The following GPC5 variants were observed in gnomAD, a reference collection of about 807,000 sequenced individuals.
GPC5 encodes glypican 5.
A neutral mutation model predicts 53.9 loss-of-function variants in GPC5; 47 were observed. The observed-to-expected ratio is 0.87, with a 90% CI of 0.69 to 1.11. The LOEUF is 1.11. Among genes scored for constraint, GPC5 ranks in the 50% most tolerant of loss-of-function variants. The probability of loss-of-function intolerance (pLI) is 0.00; values close to 1 mark genes in which losing one functional copy is unlikely to be tolerated. For missense variants in GPC5, 748 were observed against 713.1 expected (o/e 1.05, Z -0.56); for synonymous variants, 286 against 263.3 (o/e 1.09, Z -0.84).
intron 7 of GPC5, among the ~76,000 whole-genome samples, chr13:92,297,030 C>T (rs1319628124): frequency 6.6e-6 from 1 of 152,218 alleles, no homozygotes; most frequent in African/African-American, 2.4e-5. Context: ...CCATTGACCA[C>T]CCAAGGGCTG....
chr13:91,921,485 A>C (rs1366473573), intron 6 of GPC5, among the ~76,000 whole-genome samples: 1 of 152,198 alleles, frequency 6.6e-6, no homozygotes, highest in Non-Finnish European at 1.5e-5. Flanking sequence ...TGAAATAAAT[A>C]CTTAGAAAGA....
At chr13:92,269,213 A>G (rs192140232) in intron 7 of GPC5, among the ~76,000 whole-genome samples, 146 of 152,178 alleles carry the variant, frequency 9.6e-4, no homozygotes, top group African/African-American at 3.2e-3. Context: ...TATCCATTTG[A>G]AATTTGTTTT....
At chr13:92,651,162 C>G (rs1885945183) in intron 7 of GPC5, among the ~76,000 whole-genome samples, 1 of 149,218 alleles carries the variant, frequency 6.7e-6, no homozygotes, top group South Asian at 2.1e-4. Context: ...TTAATAAACT[C>G]CCCTTTATAT....
At chr13:91,757,197 A>G (rs560587372) in intron 5 of GPC5, among the ~76,000 whole-genome samples, 5 of 152,154 alleles carry the variant, frequency 3.3e-5, no homozygotes, top group African/African-American at 1.2e-4. Flanking sequence ...ATTTGCCAAT[A>G]CTGGTGGTTA....
intron 7 of GPC5, among the ~76,000 whole-genome samples, chr13:92,210,199 T>C (rs753298968): frequency 2.6e-5 from 4 of 152,152 alleles, no homozygotes; most frequent in Non-Finnish European, 5.9e-5. Flanking sequence ...ATATTAACCA[T>C]CACAGATAGT....
chr13:92,512,435 T>C (rs1169104070), intron 7 of GPC5, among the ~76,000 whole-genome samples: 1 of 152,146 alleles, frequency 6.6e-6, no homozygotes, highest in African/African-American at 2.4e-5. Context: ...GGATAGTATG[T>C]GTGAACATTT....
At chr13:92,565,373 A>G (rs1247152746) in intron 7 of GPC5, among the ~76,000 whole-genome samples, 1 of 152,006 alleles carries the variant, frequency 6.6e-6, no homozygotes, top group East Asian at 1.9e-4. Flanking sequence ...ATCTTTTTAA[A>G]TAAAGGAACT....
At chr13:92,045,127 A>AC (rs1566410273) in intron 6 of GPC5, among the ~76,000 whole-genome samples, 1 of 152,098 alleles carries the variant, frequency 6.6e-6, no homozygotes, top group African/African-American at 2.4e-5. Context: ...TAGAACTTGT[A>AC]CCCCCCAAAA....
intron 2 of GPC5, among the ~76,000 whole-genome samples, chr13:91,453,043 T>C (rs1012080660): frequency 1.2e-5 from 1 of 84,004 alleles, no homozygotes; most frequent in Non-Finnish European, 2.4e-5. Flanking sequence ...ATGTTATTGC[T>C]AGAGTCTAAG....
Position 91,855,599 on chromosome 13 carries a change from C to T in GPC5, c.1281-52338C>T, listed in dbSNP as rs77673784. ...TAAAATTAACATGTAGAATCAAATC[C>T]TTGATTCATGCAACCAAACAGGTTA... is the stretch of plus-strand genomic sequence containing the variant. On this transcript the variant is annotated intron_variant, in intron 5 of 7. Transcript: ENST00000377067. Among the ~76,000 whole-genome samples, 24 of 151,620 alleles carry T rather than the reference C, an allele frequency of 1.6e-4. No homozygotes were observed. The East Asian group carries it at 4.6e-3, about 29-fold the overall frequency.
chr13:92,828,565 A>G (rs1042135713), intron 7 of GPC5, among the ~76,000 whole-genome samples: 1 of 152,212 alleles, frequency 6.6e-6, no homozygotes, highest in East Asian at 1.9e-4. Context: ...TAGAAACATC[A>G]CCATATAATC....
intron 7 of GPC5, among the ~76,000 whole-genome samples, chr13:92,702,607 C>G (rs1369625022): frequency 3.3e-5 from 5 of 152,062 alleles, no homozygotes; most frequent in Non-Finnish European, 7.4e-5. Flanking sequence ...CATCACCTCT[C>G]CAGCTACCTC....
At chr13:91,543,544 G>C (rs1401791354) in intron 2 of GPC5, among the ~76,000 whole-genome samples, 1 of 151,888 alleles carries the variant, frequency 6.6e-6, no homozygotes, top group Non-Finnish European at 1.5e-5. Context: ...GAGAGAGAGA[G>C]AGAGAATAAG....
intron 7 of GPC5, among the ~76,000 whole-genome samples, chr13:92,266,408 T>C (rs924595563): frequency 5.9e-5 from 9 of 152,268 alleles, no homozygotes; most frequent in African/African-American, 2.2e-4. Flanking sequence ...CTTCTGGAGC[T>C]TTTTCTAACT....
chr13:91,579,624 C>CTTTTTTTTT (rs3055895), intron 2 of GPC5, among the ~76,000 whole-genome samples: 7 of 102,600 alleles, frequency 6.8e-5, no homozygotes, highest in African/African-American at 1.7e-4. Flanking sequence ...TTTTCTTTTT[C>CTTTTTTTTT]TTTTTTTTTT....
At chr13:92,768,464 G>A (rs745354510) in intron 7 of GPC5, among the ~76,000 whole-genome samples, 17 of 151,874 alleles carry the variant, frequency 1.1e-4, no homozygotes, top group South Asian at 4.2e-4. Context: ...GAAATTCTTC[G>A]TTTTTATCTA....
At chr13:91,802,301 G>A (rs2038148622) in intron 5 of GPC5, among the ~76,000 whole-genome samples, 4 of 152,128 alleles carry the variant, frequency 2.6e-5, no homozygotes, top group African/African-American at 4.8e-5. Context: ...GACCTTCACA[G>A]TGAGTGTTAC....
chr13:92,302,842 A>G (rs916352340), intron 7 of GPC5, among the ~76,000 whole-genome samples: 3 of 152,132 alleles, frequency 2.0e-5, no homozygotes, highest in African/African-American at 7.2e-5. Context: ...CGTTTCTTTC[A>G]ATTTTCTCTC....
chr13:92,575,967 G>T (rs1334580411), intron 7 of GPC5, among the ~76,000 whole-genome samples: 1 of 152,032 alleles, frequency 6.6e-6, no homozygotes. Flanking sequence ...CAAGATAAAA[G>T]CCAATCAAGA....
Sources: allele counts gnomAD v4.1 joint callset (sites outside exome capture counted in the v4.1 genomes callset), GRCh38; gene constraint gnomAD v4.1.1; transcripts MANE v1.5; gene names NCBI Gene and HGNC (gene_info 2026-07-23, HGNC 2026-07-21).